The following TAF1 variants were observed in gnomAD, a reference collection of about 807,000 sequenced individuals.
TAF1 encodes the protein TATA-box binding protein associated factor 1.
In TAF1, 2 loss-of-function variants were observed where a neutral mutation model predicts 138.5. The observed-to-expected ratio is 0.01, with a 90% CI of 0.01 to 0.05. The LOEUF is 0.05. Ranked by LOEUF, TAF1 falls within the 10% of genes least tolerant of loss-of-function variation. The pLI, the probability that TAF1 is intolerant of heterozygous loss-of-function variation, is 1.00. For synonymous variants in TAF1, 437 were observed against 503.2 expected, an observed-to-expected ratio of 0.87 and a Z score of 1.76; for missense variants, 709 against 1,478.0, an observed-to-expected ratio of 0.48 and a Z score of 8.53.
chrX:71,394,285 G>C, intron 22 of TAF1, 40 bp downstream of exon 22: 9 of 1,149,227 alleles, frequency 7.8e-6, no homozygotes, highest in Non-Finnish European at 1.0e-5. Context: ...AAAAGAGAAG[G>C]GTTAAAAAAG....
intron 25 of TAF1, 51 bp downstream of exon 25, chrX:71,401,790 G>A: frequency 1.8e-6 from 2 of 1,124,439 alleles, no homozygotes; most frequent in Non-Finnish European, 2.4e-6. Flanking sequence ...TTTGAGGTTG[G>A]TTATATTGGT....
intron 14 of TAF1, among the ~76,000 whole-genome samples, chrX:71,386,609 C>T (rs1272285788): frequency 5.4e-5 from 6 of 111,689 alleles, no homozygotes; most frequent in African/African-American, 1.6e-4. Context: ...GGACAATAGG[C>T]GCACGCCACC....
chrX:71,406,607 G>T (rs761466215), intron 25 of TAF1, 31 bp from the exon 26 acceptor site: 1 of 1,168,013 alleles, frequency 8.6e-7, no homozygotes, highest in South Asian at 1.8e-5. Context: ...AGAAATAGGG[G>T]CTGTATCTAA....
At chrX:71,511,272 G>GA (rs1323554207) in intron 13 of TAF1, among the ~76,000 whole-genome samples, 1 of 111,805 alleles carries the variant, frequency 8.9e-6, no homozygotes, top group African/African-American at 3.2e-5. Flanking sequence ...GCTCTAAAAA[G>GA]AAAAAACTTT....
intron 22 of TAF1, among the ~76,000 whole-genome samples, chrX:71,395,369 G>A (rs1241391293): frequency 1.8e-5 from 2 of 111,330 alleles, no homozygotes; most frequent in Non-Finnish European, 1.9e-5. Flanking sequence ...ATTAGATGTG[G>A]TGGCAGGCAC....
intron 13 of TAF1, chrX:71,491,130 A>G (rs1324149001): frequency 1.0e-5 from 1 of 99,242 alleles, no homozygotes; most frequent in Non-Finnish European, 2.0e-5. Context: ...GCTGGTTGTG[A>G]TCAATTAGTT....
At chrX:71,511,909 A>C (rs1472890345) in intron 13 of TAF1, among the ~76,000 whole-genome samples, 1 of 109,815 alleles carries the variant, frequency 9.1e-6, no homozygotes, top group East Asian at 2.9e-4. Flanking sequence ...TCAGCTACTC[A>C]GGAGGCTGAG....
At chrX:71,475,021 T>C (rs1258581812) in intron 13 of TAF1, among the ~76,000 whole-genome samples, 1 of 110,964 alleles carries the variant, frequency 9.0e-6, no homozygotes, top group African/African-American at 3.3e-5. Flanking sequence ...AAATCAGGGA[T>C]GGGGGTGGGA....
chrX:71,369,636 C>T (rs1409836298), intron 3 of TAF1, among the ~76,000 whole-genome samples: 8 of 99,255 alleles, frequency 8.1e-5, no homozygotes, highest in East Asian at 6.4e-4. Flanking sequence ...GACGGAGTCT[C>T]GCTCTATTGC....
chrX:71,377,711 C>G lies in TAF1; in HGVS notation c.823C>G (p.Gln275Glu). 1 of 1,211,716 alleles carries G rather than the reference C, an allele frequency of 8.3e-7. No homozygotes were observed. Among genetic ancestry groups the G allele is most frequent in the Non-Finnish European group, 1.1e-6 (1 of 895,541 alleles). Residue 275 changes from glutamine to glutamate, a missense_variant, in exon 6 of 38, where the codon CAG becomes GAG. Gln to Glu is a conservative substitution (Grantham distance 29). Coordinates refer to ENST00000423759, the MANE Select transcript of TAF1 (RefSeq NM_004606.5). ...GCACCGTGAGCTGATACAGGAAGAG[C>G]AGATCCAGGAGGTGGAGTGCTCAGT... ...KKHRELIQEE[Q>E]IQEVECSVES...
intron 18 of TAF1, among the ~76,000 whole-genome samples, chrX:71,391,629 CTT>C (rs763621504): frequency 6.2e-5 from 6 of 97,224 alleles, no homozygotes; most frequent in Admixed American, 1.1e-4. Flanking sequence ...CATATATACT[CTT>C]TTTTTTTTTT....
At chrX:71,505,105 T>C (rs1055387800) in intron 13 of TAF1, among the ~76,000 whole-genome samples, 3 of 110,474 alleles carry the variant, frequency 2.7e-5, no homozygotes, top group South Asian at 7.7e-4. Context: ...CACACCAGCC[T>C]GGGCAACAGA....
chrX:71,484,129 C>T (rs1340858184), intron 13 of TAF1, among the ~76,000 whole-genome samples: 4 of 111,368 alleles, frequency 3.6e-5, no homozygotes, highest in African/African-American at 1.3e-4. Flanking sequence ...CTCAGCCTCC[C>T]AAAGTGCTGG....
At chrX:71,463,383 C>T (rs1047074839) in intron 37 of TAF1, among the ~76,000 whole-genome samples, 2 of 109,971 alleles carry the variant, frequency 1.8e-5, no homozygotes, top group African/African-American at 6.6e-5. Context: ...GCAAGACTGG[C>T]GGCATGACGA....
intron 25 of TAF1, among the ~76,000 whole-genome samples, chrX:71,405,938 T>C (rs2035442940): frequency 8.9e-6 from 1 of 111,952 alleles, no homozygotes; most frequent in African/African-American, 3.2e-5. Flanking sequence ...GAATGAGCTT[T>C]AATGATTGAG....
In TAF1 at chrX:71,483,803, T is replaced by TATATAC. The variant is rs1290090578; in HGVS notation, c.1366+23001_1366+23002insTATACA. Among the ~76,000 whole-genome samples the TATATAC allele has an allele frequency of 3.8e-3, 349 of 92,771 alleles. 5 individuals carry two copies. Among genetic ancestry groups the TATATAC allele is most frequent in the African/African-American group, 0.012 (287 of 23,293 alleles). The allele number at this position is 92,771 out of a possible 115,157, so 80.6% of individuals were successfully genotyped here. A position where few individuals can be genotyped will look rare whatever the true frequency, so the allele number is the denominator to read the frequency against. ...CTCTATATATATATATATATATATA[T>TATATAC]ACACACACATCCCTCATTATTTTTT... On this transcript the variant is annotated intron_variant and NMD_transcript_variant, in intron 13 of 14. Coordinates refer to the TAF1 transcript ENST00000373775.
chrX:71,391,213 A>T (rs948594863), intron 18 of TAF1, among the ~76,000 whole-genome samples: 2 of 111,505 alleles, frequency 1.8e-5, no homozygotes, highest in Admixed American at 9.6e-5. Flanking sequence ...GGTTCATGAA[A>T]AAGTAGTATG....
chrX:71,373,050 TAG>T (rs2033198762), intron 3 of TAF1, among the ~76,000 whole-genome samples: 1 of 109,742 alleles, frequency 9.1e-6, no homozygotes, highest in East Asian at 2.9e-4. Flanking sequence ...GTATTTTTAG[TAG>T]AGACGGGGTT....
Position 71,377,980 on chromosome X carries a change from C to T in TAF1, c.933+159C>T, listed in dbSNP as rs781136292. The T allele has an allele frequency of 4.1e-6, 3 of 734,883 alleles. No individual in the cohort carries two copies. The African/African-American group carries it at 6.5e-5, about 16-fold the overall frequency. The allele number at this position is 734,883 out of a possible 1,213,427, so 60.6% of individuals were successfully genotyped here. On this transcript the variant is annotated intron_variant, in intron 6 of 37. Coordinates refer to ENST00000423759, the MANE Select transcript of TAF1 (RefSeq NM_004606.5). ...CATGGGTTCAATCTCAGTGGCTGCC[C>T]CTTCCCTATTGTAAAAGAAAAATGT... is the stretch of plus-strand genomic sequence containing the variant.
Sources: gnomAD v4.1 joint callset for allele counts (sites outside exome capture counted in the v4.1 genomes callset) on GRCh38, gnomAD v4.1.1 for gene constraint, MANE v1.5 for transcripts, NCBI Gene and HGNC (gene_info 2026-07-23, HGNC 2026-07-21) for gene names.